The following STXBP5 variants were observed in gnomAD, a reference collection of about 807,000 sequenced individuals.
The protein encoded by STXBP5 is syntaxin binding protein 5.
In STXBP5, 50 loss-of-function variants were observed where a neutral mutation model predicts 152.4. The ratio of observed to expected loss-of-function variants is 0.33; its 90% CI spans 0.26 to 0.42. The LOEUF (loss-of-function observed/expected upper bound fraction) is 0.42. Ranked by LOEUF, STXBP5 falls within the 10% of genes least tolerant of loss-of-function variation. The probability of loss-of-function intolerance (pLI) is 1.00; values close to 1 mark genes in which losing one functional copy is unlikely to be tolerated. For synonymous variants in STXBP5, 492 were observed against 494.7 expected (o/e 0.99, Z 0.07); for missense variants, 1,167 against 1,388.6 (o/e 0.84, Z 2.54).
chr6:147,224,643 A>AT (rs924856670), intron 2 of STXBP5, among the ~76,000 whole-genome samples: 7 of 152,078 alleles, frequency 4.6e-5, no homozygotes, highest in Admixed American at 2.0e-4. Context: ...CAGAAAGTTT[A>AT]TTTTTTTATC....
In STXBP5 at chr6:147,284,972, A is replaced by G. The variant is rs117686194; in HGVS notation, c.839-6122A>G. Among the ~76,000 whole-genome samples, 1,163 of 152,326 alleles carry G rather than the reference A, an allele frequency of 7.6e-3. 51 individuals are homozygous for G. The highest frequency in any genetic ancestry group is 0.068 in the Admixed American group (1,036 of 15,288). On this transcript the variant is annotated intron_variant, in intron 8 of 27. Coordinates refer to ENST00000321680, the MANE Select transcript of STXBP5 (RefSeq NM_001127715.4). ...AGGGTGGCTAATTAGGAAGCTTTGC[A>G]TTAATAAATAATGGAGATTTTATTA...
At chr6:147,351,462 TATGTGATGA>T (rs1358912829) in intron 21 of STXBP5, among the ~76,000 whole-genome samples, 1 of 152,196 alleles carries the variant, frequency 6.6e-6, no homozygotes, top group Non-Finnish European at 1.5e-5. Flanking sequence ...GCACCTATGA[TATGTGATGA>T]AAATCTCTGG....
chr6:147,281,479 G>A (rs933466350), intron 8 of STXBP5, among the ~76,000 whole-genome samples: 4 of 152,142 alleles, frequency 2.6e-5, no homozygotes, highest in Non-Finnish European at 4.4e-5. Context: ...TAACTGTTTC[G>A]ATGGATTGAA....
intron 9 of STXBP5, among the ~76,000 whole-genome samples, chr6:147,306,882 G>A (rs898368579): frequency 1.3e-5 from 2 of 152,148 alleles, no homozygotes; most frequent in Non-Finnish European, 2.9e-5. Flanking sequence ...CTACCACTGA[G>A]CCTTGTATTG....
intron 19 of STXBP5, among the ~76,000 whole-genome samples, chr6:147,335,749 C>G (rs929060675): frequency 1.3e-5 from 2 of 151,638 alleles, no homozygotes; most frequent in Non-Finnish European, 2.9e-5. Context: ...TGCAGTGAGC[C>G]GAGATCGCGC....
At chr6:147,380,559 T>G (rs1190649334) in intron 26 of STXBP5, among the ~76,000 whole-genome samples, 1 of 151,946 alleles carries the variant, frequency 6.6e-6, no homozygotes, top group Non-Finnish European at 1.5e-5. Context: ...TGTAACACTC[T>G]TAGAAGAAAA....
At chr6:147,343,468 AC>A (rs2128400238) in intron 21 of STXBP5, among the ~76,000 whole-genome samples, 1 of 152,298 alleles carries the variant, frequency 6.6e-6, no homozygotes, top group East Asian at 1.9e-4. Context: ...AGCAGTTCTA[AC>A]ACCTTTATTT....
rs533852092 is a variant in STXBP5, at chr6:147,259,781, CT to C, written c.432-824del. On this transcript the variant is annotated intron_variant, in intron 4 of 27. Coordinates refer to ENST00000321680, the MANE Select transcript of STXBP5 (RefSeq NM_001127715.4). ...AGCATTATAGATTTTCACAAGATAC[CT>C]TTTTTTTTTAACTAAAAATAAGTGC... 8.7e-3 allele frequency among the ~76,000 whole-genome samples: 1,279 copies of C among 146,334 alleles called. 20 individuals carry two copies. The highest frequency in any genetic ancestry group is 0.03 in the African/African-American group (1,192 of 40,064).
chr6:147,272,215 A>C (rs1214686704), intron 7 of STXBP5, among the ~76,000 whole-genome samples: 2 of 152,108 alleles, frequency 1.3e-5, no homozygotes, highest in East Asian at 3.9e-4. Flanking sequence ...TCTTCTTAAA[A>C]ATGGAAGAGA....
chr6:147,308,013 T>G (rs1782179608), intron 9 of STXBP5, among the ~76,000 whole-genome samples: 1 of 152,160 alleles, frequency 6.6e-6, no homozygotes, highest in Non-Finnish European at 1.5e-5. Context: ...ATAACACAGT[T>G]TAAAAAAACA....
At chr6:147,383,871 A>G (rs1457324489) in intron 27 of STXBP5, among the ~76,000 whole-genome samples, 4 of 152,062 alleles carry the variant, frequency 2.6e-5, no homozygotes, top group African/African-American at 4.8e-5. Flanking sequence ...ATACTTGTCT[A>G]GGGCTTCAGA....
In STXBP5 at chr6:147,327,103, TTTG is replaced by T. The variant is rs1783301497; in HGVS notation, c.1929-19_1929-17del. 5 of 1,603,728 alleles carry T rather than the reference TTTG, an allele frequency of 3.1e-6. No individual in the cohort carries two copies. Among genetic ancestry groups the T allele is most frequent in the Non-Finnish European group, 4.3e-6 (5 of 1,175,976 alleles). ...GGAATTATTTGTTTGTGCTAAAATG[TTTG>T]TTATTTTCCTATTCCCAGGGTGGTT... On this transcript the variant is annotated intron_variant, in intron 17 of 27. Coordinates refer to ENST00000321680, the MANE Select transcript of STXBP5 (RefSeq NM_001127715.4).
Position 147,348,946 on chromosome 6 carries a change from A to G in STXBP5, c.2255-4377A>G, listed in dbSNP as rs1370663271. ...AAGTGGACTTTTAAAAGTGGTAGGA[A>G]ATATGCAAAAATGTTGCTTCTGACT... On this transcript the variant is annotated intron_variant, in intron 21 of 27. Coordinates refer to ENST00000321680, the MANE Select transcript of STXBP5 (RefSeq NM_001127715.4). Among the ~76,000 whole-genome samples the G allele has an allele frequency of 2.0e-5, 3 of 152,272 alleles. No homozygotes were observed. In the East Asian group the frequency reaches 5.8e-4, roughly 29 times the overall value.
intron 9 of STXBP5, among the ~76,000 whole-genome samples, chr6:147,307,346 C>G (rs1582920129): frequency 1.3e-5 from 2 of 152,196 alleles, no homozygotes; most frequent in South Asian, 4.2e-4. Context: ...ATCTCTAGAC[C>G]TTATGACATC....
intron 18 of STXBP5, chr6:147,328,558 T>G: frequency 3.1e-6 from 1 of 323,704 alleles, no homozygotes; most frequent in Non-Finnish European, 6.1e-6. Flanking sequence ...GAATTTTTCT[T>G]TCCAAAGTTT....
At chr6:147,375,289 A>G (rs1785754610) in intron 26 of STXBP5, among the ~76,000 whole-genome samples, 2 of 152,208 alleles carry the variant, frequency 1.3e-5, no homozygotes, top group East Asian at 1.9e-4. Context: ...GAGGCTCAGT[A>G]TCATGCCTGA....
At chr6:147,226,274 C>T (rs1777704887) in intron 2 of STXBP5, among the ~76,000 whole-genome samples, 1 of 151,374 alleles carries the variant, frequency 6.6e-6, no homozygotes, top group Non-Finnish European at 1.5e-5. Flanking sequence ...CTGCACTCTA[C>T]CCTGGGTGAC....
At chr6:147,313,381 A>G (rs1407739741) in intron 11 of STXBP5, among the ~76,000 whole-genome samples, 1 of 152,210 alleles carries the variant, frequency 6.6e-6, no homozygotes, top group African/African-American at 2.4e-5. Flanking sequence ...ATATCTAGAA[A>G]ACATTTAAGG....
chr6:147,317,045 G>A (rs1021302564), intron 16 of STXBP5, among the ~76,000 whole-genome samples: 2 of 152,148 alleles, frequency 1.3e-5, no homozygotes, highest in African/African-American at 4.8e-5. Context: ...GTGATTAATA[G>A]TATATTTACA....
Sources: allele counts gnomAD v4.1 joint callset (sites outside exome capture counted in the v4.1 genomes callset), GRCh38; gene constraint gnomAD v4.1.1; transcripts MANE v1.5; gene names NCBI Gene and HGNC (gene_info 2026-07-23, HGNC 2026-07-21).